Variants in ATOSA observed in about 807,000 individuals in gnomAD.
ATOSA encodes atos homolog A.
At chr15:52,609,232 G>T in the ATOSA span, 6 of 1,611,814 alleles carry the variant, frequency 3.7e-6, no homozygotes, top group Admixed American at 5.0e-5. Flanking sequence ...ACATTTATTA[G>T]GTACTAAGTT....
the ATOSA span, among the ~76,000 whole-genome samples, chr15:52,596,294 C>T: frequency 6.6e-6 from 1 of 152,062 alleles, no homozygotes; most frequent in Non-Finnish European, 1.5e-5. Flanking sequence ...TCTCAGCAGG[C>T]TATTTTGTGG....
chr15:52,680,436 A>AT, the ATOSA span, among the ~76,000 whole-genome samples: 17 of 151,868 alleles, frequency 1.1e-4, no homozygotes, highest in African/African-American at 3.4e-4. Context: ...GTCTAAGGGG[A>AT]TTTTTTTTAT....
chr15:52,609,341 A>T, the ATOSA span: 1 of 1,613,980 alleles, frequency 6.2e-7, no homozygotes, highest in Non-Finnish European at 8.5e-7. Flanking sequence ...TTGTCTTCAT[A>T]TGAACTCCTA....
the ATOSA span, among the ~76,000 whole-genome samples, chr15:52,709,358 G>A: frequency 4.2e-3 from 642 of 152,232 alleles, 4 homozygotes; most frequent in African/African-American, 0.015. Flanking sequence ...CTTTAATGTA[G>A]TAGAGTGCTT....
chr15:52,693,249 G>T, the ATOSA span, among the ~76,000 whole-genome samples: 1 of 152,024 alleles, frequency 6.6e-6, no homozygotes, highest in East Asian at 1.9e-4. Context: ...GAGAAACCCT[G>T]TCTCTACTAA....
the ATOSA span, among the ~76,000 whole-genome samples, chr15:52,646,880 C>T: frequency 1.3e-5 from 2 of 152,080 alleles, no homozygotes; most frequent in Non-Finnish European, 2.9e-5. Context: ...GCATTCAGCA[C>T]ATTCTCAAAA....
chr15:52,669,812 T>G, the ATOSA span, among the ~76,000 whole-genome samples: 1 of 152,196 alleles, frequency 6.6e-6, no homozygotes, highest in Non-Finnish European at 1.5e-5. Flanking sequence ...ATAATGGCCA[T>G]CTTGCAGCAT....
the ATOSA span, among the ~76,000 whole-genome samples, chr15:52,638,300 T>TACAAGAAAC: frequency 6.6e-6 from 1 of 152,192 alleles, no homozygotes; most frequent in South Asian, 2.1e-4. Context: ...AAGAAACATC[T>TACAAGAAAC]ATATATTTAA....
At chr15:52,627,880 GTCT>G in the ATOSA span, among the ~76,000 whole-genome samples, 2 of 152,106 alleles carry the variant, frequency 1.3e-5, no homozygotes, top group African/African-American at 2.4e-5. Flanking sequence ...ATCTGATTGT[GTCT>G]TCAACAAAAT....
At chr15:52,620,841 G>A in the ATOSA span, among the ~76,000 whole-genome samples, 44 of 152,294 alleles carry the variant, frequency 2.9e-4, no homozygotes, top group Non-Finnish European at 6.0e-4. Flanking sequence ...GGAAGGCAGA[G>A]GAAGGAGGAT....
chr15:52,686,956 A>C, the ATOSA span, among the ~76,000 whole-genome samples: 4 of 152,338 alleles, frequency 2.6e-5, no homozygotes, highest in Non-Finnish European at 5.9e-5. Context: ...TTTATTTCTA[A>C]AATGTCATTT....
At chr15:52,591,220 G>T in the ATOSA span, among the ~76,000 whole-genome samples, 1 of 152,112 alleles carries the variant, frequency 6.6e-6, no homozygotes, top group African/African-American at 2.4e-5. Context: ...ACTAATGATA[G>T]ATCACAGTAT....
chr15:52,640,117 A>T, the ATOSA span, among the ~76,000 whole-genome samples: 1 of 152,126 alleles, frequency 6.6e-6, no homozygotes, highest in Admixed American at 6.5e-5. Flanking sequence ...AAAAGTTAAG[A>T]TACTTGCGCA....
the ATOSA span, among the ~76,000 whole-genome samples, chr15:52,607,703 T>C: frequency 6.6e-6 from 1 of 152,186 alleles, no homozygotes; most frequent in South Asian, 2.1e-4. Context: ...TTACTTTCAA[T>C]GGCAAAAACT....
the ATOSA span, chr15:52,613,872 G>A: frequency 1.2e-6 from 2 of 1,608,832 alleles, no homozygotes; most frequent in Non-Finnish European, 1.7e-6. Context: ...TATAAAAAAG[G>A]GGCAAAGGGT....
chr15:52,630,607 A>C, the ATOSA span, among the ~76,000 whole-genome samples: 1 of 152,228 alleles, frequency 6.6e-6, no homozygotes, highest in Non-Finnish European at 1.5e-5. Flanking sequence ...ACACTGGTGC[A>C]AACACTTTCA....
chr15:52,678,362 A>C, the ATOSA span: 3 of 428,658 alleles, frequency 7.0e-6, no homozygotes, highest in South Asian at 3.6e-5. Context: ...CTGAACCAAA[A>C]CAGGATCTAT....
chr15:52,689,593 C>T, the ATOSA span, among the ~76,000 whole-genome samples: 1 of 152,170 alleles, frequency 6.6e-6, no homozygotes, highest in Non-Finnish European at 1.5e-5. Context: ...ATTTGTGGCT[C>T]CCTTTTGGCC....
chr15:52,627,325 A>C, the ATOSA span, among the ~76,000 whole-genome samples: 1 of 152,212 alleles, frequency 6.6e-6, no homozygotes, highest in Admixed American at 6.5e-5. Flanking sequence ...ATTTCAGTTA[A>C]ATTCCAATTA....
Sources: gnomAD v4.1 joint callset for allele counts (sites outside exome capture counted in the v4.1 genomes callset) on GRCh38, gnomAD v4.1.1 for gene constraint, MANE v1.5 for transcripts, NCBI Gene and HGNC (gene_info 2026-07-23, HGNC 2026-07-21) for gene names.